The following ZCCHC7 variants were observed in gnomAD, a reference collection of about 807,000 sequenced individuals.
ZCCHC7 encodes the protein zinc finger CCHC-type containing 7.
Under a neutral mutation model 52.0 loss-of-function variants are expected in ZCCHC7, and 35 were observed. The ratio of observed to expected loss-of-function variants is 0.67; its 90% CI spans 0.51 to 0.89. The LOEUF (loss-of-function observed/expected upper bound fraction) is 0.89, where lower values mean the gene tolerates loss of function less well. ZCCHC7 is among the 40% of genes least tolerant of loss of function. ZCCHC7 has a pLI of 0.00. For synonymous variants in ZCCHC7, 217 were observed against 221.5 expected, an observed-to-expected ratio of 0.98 and a Z score of 0.18; for missense variants, 574 against 649.1, an observed-to-expected ratio of 0.88 and a Z score of 1.26.
chr9:37,262,633 C>T (rs138899186), intron 2 of ZCCHC7, among the ~76,000 whole-genome samples: 75 of 152,252 alleles, frequency 4.9e-4, no homozygotes, highest in African/African-American at 1.7e-3. Flanking sequence ...CCAGAACTCC[C>T]GGTGGATACC....
intron 2 of ZCCHC7, among the ~76,000 whole-genome samples, chr9:37,279,786 A>C (rs1339486563): frequency 6.6e-6 from 1 of 152,124 alleles, no homozygotes; most frequent in African/African-American, 2.4e-5. Flanking sequence ...AAAAATAAGC[A>C]TGTGAAAGCT....
chr9:37,247,976 T>C (rs912731202), intron 2 of ZCCHC7, among the ~76,000 whole-genome samples: 3 of 152,048 alleles, frequency 2.0e-5, no homozygotes, highest in Non-Finnish European at 4.4e-5. Flanking sequence ...CATCATCTCT[T>C]CACTTGACAC....
chr9:37,196,997 C>T (rs904983032), intron 2 of ZCCHC7, among the ~76,000 whole-genome samples: 2 of 151,938 alleles, frequency 1.3e-5, no homozygotes, highest in African/African-American at 2.4e-5. Context: ...TATATTGTAA[C>T]GTATTAAACA....
rs774377932 is a variant in ZCCHC7 at position 37,255,747 on chromosome 9, C to T, written c.611-46441C>T. Among the ~76,000 whole-genome samples the T allele has an allele frequency of 2.0e-4, 31 of 152,174 alleles. No individual in the cohort carries two copies. In the East Asian group the frequency reaches 2.3e-3, roughly 11 times the overall value. The stretch of plus-strand genomic sequence containing the variant: ...AGCCCTTTGGGAGACCATGAGTAAC[C>T]TATCATTTGGTTTTAGCTCTTTGTC... On this transcript the variant is annotated intron_variant, in intron 2 of 8. Coordinates refer to ENST00000336755, the MANE Select transcript of ZCCHC7 (RefSeq NM_032226.3).
intron 2 of ZCCHC7, among the ~76,000 whole-genome samples, chr9:37,247,025 T>C (rs1826109979): frequency 6.6e-6 from 1 of 152,184 alleles, no homozygotes; most frequent in Non-Finnish European, 1.5e-5. Flanking sequence ...CAGATATCTT[T>C]AACTTATTCT....
intron 5 of ZCCHC7, among the ~76,000 whole-genome samples, chr9:37,326,624 ATGG>A (rs1303792142): frequency 6.6e-6 from 1 of 151,914 alleles, no homozygotes; most frequent in Non-Finnish European, 1.5e-5. Context: ...CTAATCACTT[ATGG>A]TGGTATAATC....
chr9:37,256,506 A>G lies in ZCCHC7; in HGVS notation c.611-45682A>G, dbSNP rs945461716. Among the ~76,000 whole-genome samples, 6 of 152,298 alleles carry G rather than the reference A, an allele frequency of 3.9e-5. No homozygotes were observed. The South Asian group carries it at 1.2e-3, about 32-fold the overall frequency. ...TGAAACCTTACTAATAATATTCTATATGTTATTTCTACATGCCTGTAGTTT... is the reference window on the plus strand; with the variant it reads ...TGAAACCTTACTAATAATATTCTATGTGTTATTTCTACATGCCTGTAGTTT... On this transcript the variant is annotated intron_variant, in intron 2 of 8. Coordinates refer to ENST00000336755, the MANE Select transcript of ZCCHC7 (RefSeq NM_032226.3).
chr9:37,174,109 C>T (rs113824967), intron 2 of ZCCHC7, among the ~76,000 whole-genome samples: 9 of 152,050 alleles, frequency 5.9e-5, no homozygotes, highest in African/African-American at 1.2e-4. Flanking sequence ...GTCAGGAGTT[C>T]GAGACCAGCC....
intron 2 of ZCCHC7, among the ~76,000 whole-genome samples, chr9:37,276,017 A>G (rs1368140945): frequency 2.0e-5 from 3 of 152,176 alleles, no homozygotes; most frequent in African/African-American, 7.2e-5. Context: ...GAGAGTTCCC[A>G]TTGTCTGCAT....
chr9:37,205,685 T>C (rs1372148794), intron 2 of ZCCHC7, among the ~76,000 whole-genome samples: 4 of 147,742 alleles, frequency 2.7e-5, no homozygotes, highest in Non-Finnish European at 6.1e-5. Flanking sequence ...CCTGGTTAAT[T>C]TTTTGTATTT....
intron 2 of ZCCHC7, among the ~76,000 whole-genome samples, chr9:37,156,897 G>A (rs1820842301): frequency 6.6e-6 from 1 of 152,024 alleles, no homozygotes; most frequent in East Asian, 1.9e-4. Flanking sequence ...ATTGTAGCTA[G>A]GTATTTTAAT....
intron 2 of ZCCHC7, among the ~76,000 whole-genome samples, chr9:37,190,731 C>T (rs1822971734): frequency 6.6e-6 from 1 of 152,202 alleles, no homozygotes; most frequent in East Asian, 1.9e-4. Flanking sequence ...AGAATACATG[C>T]ATTAGGCTGG....
chr9:37,186,693 TA>T (rs1421389336), intron 2 of ZCCHC7: 4 of 591,598 alleles, frequency 6.8e-6, no homozygotes, highest in African/African-American at 3.7e-5. Context: ...CAGATTCAAA[TA>T]TTTTTTTTTC....
intron 2 of ZCCHC7, among the ~76,000 whole-genome samples, chr9:37,236,793 G>A (rs547086110): frequency 2.3e-4 from 35 of 152,236 alleles, no homozygotes; most frequent in African/African-American, 8.4e-4. Flanking sequence ...TTTCTGCCTT[G>A]GAAGGATGAA....
At chr9:37,263,831 T>C (rs1338219700) in intron 2 of ZCCHC7, among the ~76,000 whole-genome samples, 1 of 152,304 alleles carries the variant, frequency 6.6e-6, no homozygotes, top group East Asian at 1.9e-4. Flanking sequence ...AAAACCCTAA[T>C]CAATACTTTA....
chr9:37,192,181 CAT>C (rs542483578), intron 2 of ZCCHC7, among the ~76,000 whole-genome samples: 94 of 152,294 alleles, frequency 6.2e-4, no homozygotes, highest in African/African-American at 2.2e-3. Flanking sequence ...CAGTTTCTCT[CAT>C]ATAGGAATTT....
At chr9:37,153,239 C>T (rs886426675) in intron 2 of ZCCHC7, among the ~76,000 whole-genome samples, 3 of 151,772 alleles carry the variant, frequency 2.0e-5, no homozygotes, top group South Asian at 2.1e-4. Context: ...GGTGTGATCT[C>T]GGTTCACTGC....
chr9:37,304,616 A>G (rs1263938757), intron 4 of ZCCHC7, among the ~76,000 whole-genome samples: 5 of 151,802 alleles, frequency 3.3e-5, no homozygotes, highest in African/African-American at 9.7e-5. Context: ...AGATCACACC[A>G]TTGCACTCCA....
chr9:37,269,793 A>G (rs1827315009), intron 2 of ZCCHC7, among the ~76,000 whole-genome samples: 2 of 152,246 alleles, frequency 1.3e-5, no homozygotes, highest in East Asian at 3.9e-4. Flanking sequence ...TGAGGAAGAG[A>G]AAAACAACTC....
Sources: gnomAD v4.1 joint callset for allele counts (sites outside exome capture counted in the v4.1 genomes callset) on GRCh38, gnomAD v4.1.1 for gene constraint, MANE v1.5 for transcripts, NCBI Gene and HGNC (gene_info 2026-07-23, HGNC 2026-07-21) for gene names.